GPR149: variants seen among roughly 807,000 people sequenced by gnomAD.
GPR149 encodes probable G protein-coupled receptor 149.
GPR149 carries 50 observed loss-of-function variants against 50.2 expected under a neutral mutation model. The ratio of observed to expected loss-of-function variants is 1.00; its 90% CI spans 0.79 to 1.26. GPR149 has a LOEUF of 1.26. Ranked by LOEUF, GPR149 falls within the 50% of genes most tolerant of loss-of-function variation. GPR149 has a pLI of 0.00. For synonymous variants in GPR149, 405 were observed against 358.2 expected, an observed-to-expected ratio of 1.13 and a Z score of -1.48; for missense variants, 983 against 895.4, an observed-to-expected ratio of 1.10 and a Z score of -1.25.
intron 3 of GPR149, among the ~76,000 whole-genome samples, chr3:154,419,103 T>G (rs1336640930): frequency 6.6e-6 from 1 of 152,100 alleles, no homozygotes; most frequent in Non-Finnish European, 1.5e-5. Flanking sequence ...TTATTTTTCA[T>G]AGCGACCATT....
In GPR149 at chr3:154,395,449, A is replaced by AGT. The variant is rs1491097703; in HGVS notation, c.1623+25588_1623+25589dup. On this transcript the variant is annotated intron_variant, in intron 3 of 3. Transcript: ENST00000389740. ...ATATATGTAAAATTATATATATATAAGTATATATATATATAATTTTAAAAA... is the reference window on the plus strand; with the variant it reads ...ATATATGTAAAATTATATATATATAAGTGTATATATATATATAATTTTAAAAA... Among the ~76,000 whole-genome samples, 6 of 84,054 alleles carry AGT rather than the reference A, an allele frequency of 7.1e-5. No individual in the cohort carries two copies. In the South Asian group the frequency reaches 1.6e-3, roughly 22 times the overall value. 55.1% of individuals were successfully genotyped at this position (84,054 alleles called of 152,430 possible).
intron 3 of GPR149, among the ~76,000 whole-genome samples, chr3:154,405,701 AT>A (rs1711668952): frequency 6.6e-6 from 1 of 151,868 alleles, no homozygotes. Flanking sequence ...TAAATAAATA[AT>A]ACTTTTTAAT....
intron 3 of GPR149, among the ~76,000 whole-genome samples, chr3:154,414,972 A>G (rs1256008751): frequency 2.0e-5 from 3 of 152,014 alleles, no homozygotes; most frequent in African/African-American, 7.2e-5. Context: ...TTAGTTATTA[A>G]TTTCTTGATA....
At chr3:154,404,022 G>A (rs549685097) in intron 3 of GPR149, among the ~76,000 whole-genome samples, 7 of 152,240 alleles carry the variant, frequency 4.6e-5, no homozygotes, top group East Asian at 1.9e-4. Flanking sequence ...TTAATGTATT[G>A]GACAGTGCAA....
chr3:154,365,635 A>G (rs551680580), intron 3 of GPR149, among the ~76,000 whole-genome samples: 26 of 152,306 alleles, frequency 1.7e-4, no homozygotes, highest in African/African-American at 6.0e-4. Context: ...CACCCTGAAC[A>G]CTTTGCCTAG....
chr3:154,419,111 A>G (rs1712068543), intron 3 of GPR149, among the ~76,000 whole-genome samples: 2 of 152,062 alleles, frequency 1.3e-5, no homozygotes, highest in South Asian at 4.1e-4. Flanking sequence ...CATAGCGACC[A>G]TTTCAGAGAA....
chr3:154,409,122 A>T (rs1711769523), intron 3 of GPR149, among the ~76,000 whole-genome samples: 1 of 152,202 alleles, frequency 6.6e-6, no homozygotes, highest in South Asian at 2.1e-4. Flanking sequence ...GACCCAGAAG[A>T]GCAAAAACAA....
chr3:154,348,155 T>C (rs1713979912), intron 3 of GPR149, among the ~76,000 whole-genome samples: 1 of 152,266 alleles, frequency 6.6e-6, no homozygotes, highest in African/African-American at 2.4e-5. Context: ...AAGATGTTTT[T>C]AAGCTTTCTA....
chr3:154,416,415 A>G (rs930621685), intron 3 of GPR149, among the ~76,000 whole-genome samples: 16 of 151,838 alleles, frequency 1.1e-4, no homozygotes, highest in Non-Finnish European at 1.9e-4. Context: ...TACCTAATCA[A>G]TCAAAATCTG....
chr3:154,426,895 TG>T (rs1712319277), intron 2 of GPR149, among the ~76,000 whole-genome samples: 1 of 151,344 alleles, frequency 6.6e-6, no homozygotes, highest in Non-Finnish European at 1.5e-5. Context: ...TGTGTGTGTG[TG>T]TGTGTGTGTG....
At chr3:154,401,986 G>T (rs16823996) in intron 3 of GPR149, among the ~76,000 whole-genome samples, 38,431 of 152,110 alleles carry the variant, frequency 0.25, 5,099 homozygotes, top group South Asian at 0.32. Flanking sequence ...TCAAGGGATG[G>T]CAAAGAAGAA....
At chr3:154,397,465 T>A (rs1341990241) in intron 3 of GPR149, among the ~76,000 whole-genome samples, 1 of 152,202 alleles carries the variant, frequency 6.6e-6, no homozygotes, top group Non-Finnish European at 1.5e-5. Flanking sequence ...AAGCTGATTA[T>A]TAAAAATAAA....
intron 3 of GPR149, among the ~76,000 whole-genome samples, chr3:154,389,883 A>G (rs1485958564): frequency 2.6e-5 from 4 of 152,222 alleles, no homozygotes; most frequent in Non-Finnish European, 2.9e-5. Context: ...GTGTTTGGGT[A>G]GGAAAAATCC....
intron 3 of GPR149, chr3:154,352,721 C>T (rs968077979): frequency 2.5e-6 from 2 of 785,382 alleles, no homozygotes; most frequent in African/African-American, 3.4e-5. Flanking sequence ...TCAACAGCAG[C>T]ATAAGAAACG....
intron 3 of GPR149, among the ~76,000 whole-genome samples, chr3:154,363,567 A>T (rs545056307): frequency 1.4e-5 from 2 of 145,194 alleles, no homozygotes; most frequent in East Asian, 1.9e-4. Context: ...TGATAGTGAC[A>T]GGAAACAGAC....
chr3:154,366,295 C>T (rs991636301), intron 3 of GPR149, among the ~76,000 whole-genome samples: 1 of 152,152 alleles, frequency 6.6e-6, no homozygotes, highest in Non-Finnish European at 1.5e-5. Flanking sequence ...AATAAGATAT[C>T]ATATTAGAAC....
intron 3 of GPR149, among the ~76,000 whole-genome samples, chr3:154,397,851 A>G (rs1487896834): frequency 1.3e-5 from 2 of 152,174 alleles, no homozygotes; most frequent in Admixed American, 1.3e-4. Flanking sequence ...TTTAATTTTT[A>G]TCTTACTCAT....
intron 3 of GPR149, chr3:154,352,083 C>T (rs1374352933): frequency 3.7e-6 from 2 of 540,952 alleles, no homozygotes; most frequent in Admixed American, 6.1e-5. Flanking sequence ...GGATAATATA[C>T]ATAATTAGGC....
At chr3:154,399,929 C>T (rs1242105543) in intron 3 of GPR149, among the ~76,000 whole-genome samples, 3 of 152,086 alleles carry the variant, frequency 2.0e-5, no homozygotes, top group South Asian at 2.1e-4. Flanking sequence ...GAGGTTCTCT[C>T]AATAGTACTT....
Sources: allele counts gnomAD v4.1 joint callset (sites outside exome capture counted in the v4.1 genomes callset), GRCh38; gene constraint gnomAD v4.1.1; transcripts MANE v1.5; gene names NCBI Gene and HGNC (gene_info 2026-07-23, HGNC 2026-07-21).